The following MYO5B variants were observed in gnomAD, a reference collection of about 807,000 sequenced individuals.
MYO5B encodes the protein myosin VB.
A neutral mutation model predicts 229.3 loss-of-function variants in MYO5B; 143 were observed. The observed-to-expected ratio is 0.62, with a 90% confidence interval of 0.54 to 0.72. The LOEUF (loss-of-function observed/expected upper bound fraction) is 0.72, where lower values mean the gene tolerates loss of function less well. Ranked by LOEUF, MYO5B falls within the 30% of genes least tolerant of loss-of-function variation. MYO5B has a pLI of 0.00. For synonymous variants in MYO5B, 918 were observed against 885.2 expected (o/e 1.04, Z -0.66); for missense variants, 2,321 against 2,331.0 (o/e 1.00, Z 0.09).
intron 18 of MYO5B, among the ~76,000 whole-genome samples, chr18:49,907,929 G>A (rs2024917924): frequency 6.6e-6 from 1 of 152,230 alleles, no homozygotes; most frequent in Non-Finnish European, 1.5e-5. Flanking sequence ...GGGGCTGGAT[G>A]GGACTTGGGA....
chr18:50,188,021 C>A (rs1210130041), intron 1 of MYO5B, among the ~76,000 whole-genome samples: 1 of 152,178 alleles, frequency 6.6e-6, no homozygotes, highest in Non-Finnish European at 1.5e-5. Context: ...ATGTTAACCT[C>A]CTGGTTTCAA....
intron 3 of MYO5B, among the ~76,000 whole-genome samples, 183 bp downstream of exon 3, chr18:50,039,960 C>T (rs979370990): frequency 3.3e-5 from 5 of 152,050 alleles, no homozygotes; most frequent in Non-Finnish European, 5.9e-5. Flanking sequence ...ACCAATCATC[C>T]CACAGAGACT....
intron 14 of MYO5B, among the ~76,000 whole-genome samples, chr18:49,943,674 T>A (rs897311052): frequency 6.6e-6 from 1 of 152,196 alleles, no homozygotes; most frequent in Non-Finnish European, 1.5e-5. Context: ...GCAACAAATG[T>A]TGTGCTAGGA....
chr18:49,880,462 G>T lies in MYO5B; in HGVS notation c.3046-7C>A. The stretch of plus-strand genomic sequence containing the variant: ...GCTCCAGGTCTGCAACTCGCTGGAA[G>T]AGAGCAATAGGGGAAAAATGTCTCA... On this transcript the variant is annotated splice_region_variant and splice_polypyrimidine_tract_variant and intron_variant, in intron 22 of 39. Coordinates refer to ENST00000285039, the MANE Select transcript of MYO5B (RefSeq NM_001080467.3). 3 of 1,611,732 alleles carry T rather than the reference G, an allele frequency of 1.9e-6. No homozygotes were observed. Among genetic ancestry groups the T allele is most frequent in the Non-Finnish European group, 2.5e-6 (3 of 1,177,820 alleles).
intron 1 of MYO5B, among the ~76,000 whole-genome samples, chr18:50,077,168 TAAAAAAAAAAAAAA>T (rs71169476): frequency 1.2e-5 from 1 of 81,232 alleles, no homozygotes; most frequent in African/African-American, 4.5e-5. Flanking sequence ...TGTGGCAAAG[TAAAAAAAAAAAAAA>T]AAAAAAAAAA....
chr18:50,067,076 G>C (rs1454214043), intron 1 of MYO5B, among the ~76,000 whole-genome samples: 1 of 152,158 alleles, frequency 6.6e-6, no homozygotes, highest in Non-Finnish European at 1.5e-5. Flanking sequence ...AAAAGACTTA[G>C]TAGAGTTTAG....
chr18:50,001,305 T>A lies in MYO5B; in HGVS notation c.562A>T (p.Ser188Cys). The change falls in exon 5 of 40, where the codon AGT becomes TGT. Residue 188 changes from serine (S) to cysteine (C), a missense_variant. By Grantham distance (112) the Ser-to-Cys change is moderately radical. Around this residue, in one of 2 missense-constraint regions of MYO5B, gnomAD observed 2,113 missense variants for 2,044.7 expected, o/e 1.03. Coordinates refer to ENST00000285039, the MANE Select transcript of MYO5B (RefSeq NM_001080467.3). The part of the protein sequence containing the change: ...RYFATVGGSA[S>C]ETNIEEKVLA... The stretch of plus-strand genomic sequence containing the variant: ...ACCTTCTCTTCGATGTTGGTTTCAC[T>A]GGCCGAGCCACCAACGGTGGCGAAA... 1.2e-6 allele frequency: 2 copies of A among 1,614,208 alleles called. No homozygotes were observed. Among genetic ancestry groups the A allele is most frequent in the Non-Finnish European group, 1.7e-6 (2 of 1,180,026 alleles).
intron 1 of MYO5B, among the ~76,000 whole-genome samples, chr18:50,058,725 C>T (rs1403734344): frequency 6.6e-6 from 1 of 152,062 alleles, no homozygotes; most frequent in African/African-American, 2.4e-5. Flanking sequence ...GCAGAAGAAT[C>T]GCTTGAGTCC....
At chr18:50,164,710 C>T (rs988542186) in intron 1 of MYO5B, among the ~76,000 whole-genome samples, 5 of 152,126 alleles carry the variant, frequency 3.3e-5, no homozygotes, top group African/African-American at 1.2e-4. Context: ...TTAAGCCCTG[C>T]ATACATTAGC....
intron 27 of MYO5B, among the ~76,000 whole-genome samples, 192 bp downstream of exon 27, chr18:49,871,975 T>C (rs1309458150): frequency 6.6e-6 from 1 of 152,238 alleles, no homozygotes; most frequent in African/African-American, 2.4e-5. Context: ...TTTATTATCA[T>C]TCCTGTAGTA....
At chr18:50,077,484 AACACACACACACACACAAACAC>A (rs1347203747) in intron 1 of MYO5B, among the ~76,000 whole-genome samples, 2 of 108,146 alleles carry the variant, frequency 1.8e-5, no homozygotes, top group East Asian at 2.3e-4. Context: ...ATCAAGGCAA[AACACACACACACACACAAACAC>A]ACACACACAC....
chr18:49,990,329 C>G (rs955994079), intron 7 of MYO5B, 110 bp downstream of exon 7: 7 of 887,522 alleles, frequency 7.9e-6, no homozygotes, highest in Non-Finnish European at 1.3e-5. Context: ...ACATAAGAGG[C>G]AGAGCCGAGA....
At chr18:49,957,665 AACAAAAC>A (rs2025510058) in intron 12 of MYO5B, among the ~76,000 whole-genome samples, 1 of 137,056 alleles carries the variant, frequency 7.3e-6, no homozygotes, top group African/African-American at 2.9e-5. Context: ...AACAAAACAA[AACAAAAC>A]AAAAAAAGCC....
chr18:49,870,094 G>T (rs1418142513), intron 27 of MYO5B, among the ~76,000 whole-genome samples: 3 of 152,142 alleles, frequency 2.0e-5, no homozygotes, highest in South Asian at 4.2e-4. Context: ...CTCCTTGGAG[G>T]GTTTTGAATC....
intron 35 of MYO5B, among the ~76,000 whole-genome samples, 183 bp downstream of exon 35, chr18:49,841,182 C>T (rs2024052689): frequency 6.6e-6 from 1 of 152,196 alleles, no homozygotes; most frequent in Admixed American, 6.5e-5. Context: ...CTCCTAGAGG[C>T]AGGTCTCCTG....
intron 12 of MYO5B, among the ~76,000 whole-genome samples, chr18:49,960,620 G>A (rs771144117): frequency 6.6e-6 from 1 of 152,166 alleles, no homozygotes; most frequent in Non-Finnish European, 1.5e-5. Flanking sequence ...AAATCATCCT[G>A]AATTTCCAGA....
At chr18:49,893,747 C>A (rs986267544) in intron 22 of MYO5B, among the ~76,000 whole-genome samples, 1 of 152,300 alleles carries the variant, frequency 6.6e-6, no homozygotes, top group Non-Finnish European at 1.5e-5. Context: ...TGCTGAGGCC[C>A]GAGGTGGGAA....
intron 5 of MYO5B, among the ~76,000 whole-genome samples, chr18:49,998,294 CA>C (rs1275624443): frequency 1.3e-5 from 2 of 152,164 alleles, no homozygotes; most frequent in African/African-American, 2.4e-5. Flanking sequence ...CTAATTTGCA[CA>C]AGGCAGAAAA....
chr18:49,942,045 C>T (rs1378560256), intron 14 of MYO5B, among the ~76,000 whole-genome samples: 2 of 118,680 alleles, frequency 1.7e-5, no homozygotes, highest in East Asian at 2.1e-4. Flanking sequence ...TATCTACAAC[C>T]ATCTGATCTT....
Sources: gnomAD v4.1 joint callset for allele counts (sites outside exome capture counted in the v4.1 genomes callset) on GRCh38, gnomAD v4.1.1 for gene constraint, gnomAD v4.1.1 regional missense constraint, MANE v1.5 for transcripts, NCBI Gene and HGNC (gene_info 2026-07-23, HGNC 2026-07-21) for gene names.